The following ARL6IP6 variants were observed in gnomAD, a reference collection of about 807,000 sequenced individuals.
ARL6IP6 encodes the protein ARF like GTPase 6 interacting protein 6, also known as ADP-ribosylation factor-like protein 6-interacting protein 6.
In ARL6IP6, 22 loss-of-function variants were observed where a neutral mutation model predicts 21.5. That is an observed-to-expected ratio of 1.02 (90% CI 0.73 to 1.46). The LOEUF is 1.46. ARL6IP6 is among the 40% of genes most tolerant of loss of function. The pLI is 0.00. For synonymous variants in ARL6IP6, 164 were observed against 125.3 expected (o/e 1.31, Z -2.06); for missense variants, 388 against 299.8 (o/e 1.29, Z -2.17).
intron 3 of ARL6IP6, among the ~76,000 whole-genome samples, chr2:152,738,952 A>G (rs192851346): frequency 1.3e-5 from 2 of 151,390 alleles, no homozygotes; most frequent in Non-Finnish European, 2.9e-5. Context: ...TTCCAATTCC[A>G]AACCATGTTT....
intron 2 of ARL6IP6, among the ~76,000 whole-genome samples, chr2:152,728,545 G>A (rs569099374): frequency 1.9e-4 from 29 of 152,218 alleles, no homozygotes; most frequent in African/African-American, 6.5e-4. Flanking sequence ...TTGCTGGAAG[G>A]TTTTATAGAA....
chr2:152,723,542 C>G (rs747691529), intron 2 of ARL6IP6, among the ~76,000 whole-genome samples: 1 of 152,122 alleles, frequency 6.6e-6, no homozygotes, highest in Non-Finnish European at 1.5e-5. Context: ...GAAAAAGCAA[C>G]GTGAGCACAG....
At chr2:152,755,955 T>C (rs1701574689) in intron 3 of ARL6IP6, among the ~76,000 whole-genome samples, 2 of 152,214 alleles carry the variant, frequency 1.3e-5, no homozygotes, top group South Asian at 2.1e-4. Flanking sequence ...TGTCTTTTTA[T>C]TTTTTACTTA....
intron 3 of ARL6IP6, among the ~76,000 whole-genome samples, chr2:152,742,385 T>C (rs1043643265): frequency 6.6e-6 from 1 of 151,934 alleles, no homozygotes; most frequent in South Asian, 2.1e-4. Flanking sequence ...CTAGTCAACA[T>C]AGTGAGATGC....
intron 3 of ARL6IP6, among the ~76,000 whole-genome samples, chr2:152,737,668 A>G (rs1700612095): frequency 6.6e-6 from 1 of 152,174 alleles, no homozygotes; most frequent in South Asian, 2.1e-4. Context: ...CTCTTTATAA[A>G]ACTGTCAGAT....
intron 2 of ARL6IP6, among the ~76,000 whole-genome samples, chr2:152,725,343 T>C (rs1213580755): frequency 1.3e-5 from 2 of 152,198 alleles, no homozygotes; most frequent in East Asian, 1.9e-4. Flanking sequence ...ATGATGGAAT[T>C]AGGATTCCAG....
chr2:152,721,633 TTTAAA>T (rs1204136525), intron 2 of ARL6IP6, among the ~76,000 whole-genome samples: 6 of 152,242 alleles, frequency 3.9e-5, no homozygotes, highest in South Asian at 2.1e-4. Flanking sequence ...ATGTGATCAC[TTTAAA>T]TTAAATCATT....
At chr2:152,757,492 C>G (rs1383922009) in intron 3 of ARL6IP6, among the ~76,000 whole-genome samples, 1 of 152,092 alleles carries the variant, frequency 6.6e-6, no homozygotes, top group Non-Finnish European at 1.5e-5. Context: ...ATAATATTTT[C>G]ATTTTACTTG....
intron 2 of ARL6IP6, among the ~76,000 whole-genome samples, chr2:152,728,846 G>T (rs960576734): frequency 2.6e-5 from 4 of 152,120 alleles, no homozygotes; most frequent in Admixed American, 6.5e-5. Flanking sequence ...GGATCATGAG[G>T]TCAAGAGATC....
chr2:152,729,082 A>G (rs1389082293), intron 2 of ARL6IP6, among the ~76,000 whole-genome samples: 1 of 151,842 alleles, frequency 6.6e-6, no homozygotes, highest in Non-Finnish European at 1.5e-5. Flanking sequence ...ATTAATATAC[A>G]TCACTTTGGC....
rs1361571059 is a variant in ARL6IP6 at position 152,760,200 on chromosome 2, T to C, written c.*360T>C. 6.3e-6 allele frequency: 1 copy of C among 159,966 alleles called. No homozygotes were observed. Among genetic ancestry groups the C allele is most frequent in the Non-Finnish European group, 1.4e-5 (1 of 72,928 alleles). The allele number at this position is 159,966 out of a possible 1,614,324, so 9.9% of individuals were successfully genotyped here. On this transcript the variant is annotated 3_prime_UTR_variant, in exon 4 of 4. Coordinates refer to ENST00000326446, the MANE Select transcript of ARL6IP6 (RefSeq NM_152522.7). ...GACAATGCTTGCCTTTTCATGTATG[T>C]ACTACATTTTTTGCTAAGAAATACT...
chr2:152,746,452 C>T (rs560218578), intron 3 of ARL6IP6, among the ~76,000 whole-genome samples: 2 of 152,256 alleles, frequency 1.3e-5, no homozygotes, highest in African/African-American at 4.8e-5. Context: ...GTACTTGGAA[C>T]CCTTTTTGTT....
intron 3 of ARL6IP6, among the ~76,000 whole-genome samples, chr2:152,750,760 C>T (rs1476709240): frequency 6.6e-6 from 1 of 152,180 alleles, no homozygotes; most frequent in Non-Finnish European, 1.5e-5. Flanking sequence ...TGCTCGTTTA[C>T]ATTTTATATC....
chr2:152,733,807 A>ACATGTTTTATTAATTACATGTTAAT (rs1289209293), intron 2 of ARL6IP6, among the ~76,000 whole-genome samples: 1 of 152,170 alleles, frequency 6.6e-6, no homozygotes, highest in Non-Finnish European at 1.5e-5. Flanking sequence ...TTGTTAATTT[A>ACATGTTTTATTAATTACATGTTAAT]CTTACATGTT....
intron 2 of ARL6IP6, among the ~76,000 whole-genome samples, chr2:152,727,459 A>G (rs928834242): frequency 3.9e-5 from 6 of 152,200 alleles, no homozygotes; most frequent in African/African-American, 1.4e-4. Context: ...CTAAGTGTAC[A>G]GTGTTTATAA....
chr2:152,744,473 G>A (rs1460756186), intron 3 of ARL6IP6, among the ~76,000 whole-genome samples: 2 of 152,028 alleles, frequency 1.3e-5, no homozygotes, highest in African/African-American at 4.8e-5. Context: ...TTGATATAGG[G>A]TTCATGGCCA....
chr2:152,761,867 A>C lies in ARL6IP6; in HGVS notation c.*2027A>C, dbSNP rs1314372229. 1.3e-5 allele frequency among the ~76,000 whole-genome samples: 2 copies of C among 152,308 alleles called. No individual in the cohort carries two copies. Among genetic ancestry groups the C allele is most frequent in the East Asian group, 3.9e-4 (2 of 5,184 alleles). ...ATTGCCTAATGACGCTTTTCTCAGAATATATCCTTGTCATTAAGCCAAACA... is the reference window on the plus strand; with the variant it reads ...ATTGCCTAATGACGCTTTTCTCAGACTATATCCTTGTCATTAAGCCAAACA... On this transcript the variant is annotated 3_prime_UTR_variant, in exon 4 of 4. Transcript: ENST00000326446.
chr2:152,723,777 G>A (rs1351397676), intron 2 of ARL6IP6, among the ~76,000 whole-genome samples: 2 of 145,584 alleles, frequency 1.4e-5, no homozygotes, highest in African/African-American at 2.5e-5. Flanking sequence ...TCATGATTTC[G>A]TGATACAGAA....
intron 3 of ARL6IP6, among the ~76,000 whole-genome samples, chr2:152,736,188 C>T (rs571733931): frequency 3.3e-5 from 5 of 152,092 alleles, no homozygotes; most frequent in African/African-American, 9.6e-5. Context: ...AGAGTTAAGC[C>T]TAACATTACA....
Sources: gnomAD v4.1 joint callset for allele counts (sites outside exome capture counted in the v4.1 genomes callset) on GRCh38, gnomAD v4.1.1 for gene constraint, MANE v1.5 for transcripts, NCBI Gene and HGNC (gene_info 2026-07-23, HGNC 2026-07-21) for gene names.